CMSS1: variants seen among roughly 807,000 people sequenced by gnomAD.
CMSS1 encodes the protein protein CMSS1.
In CMSS1, 33 loss-of-function variants were observed where a neutral mutation model predicts 43.5. The observed-to-expected ratio is 0.76, with a 90% CI of 0.57 to 1.01. The LOEUF (loss-of-function observed/expected upper bound fraction) is 1.01. Ranked by LOEUF, CMSS1 falls within the 50% of genes least tolerant of loss-of-function variation. The pLI, the probability that CMSS1 is intolerant of heterozygous loss-of-function variation, is 0.00. For missense variants in CMSS1, 313 were observed against 326.4 expected, an observed-to-expected ratio of 0.96 and a Z score of 0.32; for synonymous variants, 115 against 117.2, an observed-to-expected ratio of 0.98 and a Z score of 0.12.
At chr3:99,880,877 T>G (rs528850438) in intron 1 of CMSS1, among the ~76,000 whole-genome samples, 1 of 152,290 alleles carries the variant, frequency 6.6e-6, no homozygotes, top group East Asian at 1.9e-4. Context: ...GGACCCTGTA[T>G]GTGTATGTAT....
intron 1 of CMSS1, among the ~76,000 whole-genome samples, chr3:100,139,752 G>A (rs999308088): frequency 4.1e-5 from 6 of 145,100 alleles, no homozygotes; most frequent in Admixed American, 6.9e-5. Context: ...AGCTGAGATC[G>A]CGCCATTGCA....
intron 1 of CMSS1, among the ~76,000 whole-genome samples, chr3:100,097,288 G>C (rs1044355811): frequency 1.3e-5 from 2 of 152,182 alleles, no homozygotes; most frequent in African/African-American, 2.4e-5. Context: ...ACCAGTCCCT[G>C]GTGCCTAAAA....
intron 1 of CMSS1, among the ~76,000 whole-genome samples, chr3:100,114,707 T>G (rs1353403872): frequency 1.3e-5 from 2 of 152,172 alleles, no homozygotes; most frequent in East Asian, 3.9e-4. Flanking sequence ...AGATATATTG[T>G]GAACCACAGA....
intron 1 of CMSS1, among the ~76,000 whole-genome samples, chr3:99,827,917 T>C (rs1942566804): frequency 6.6e-6 from 1 of 152,186 alleles, no homozygotes; most frequent in Non-Finnish European, 1.5e-5. Flanking sequence ...ACCTAAATTT[T>C]TTAGTACTTT....
chr3:99,927,349 A>T lies in CMSS1; in HGVS notation c.64+109306A>T, dbSNP rs1707325670. ...TTATTATAGTGCCTTGGTAAATCCA[A>T]AATGTTGTTATATTTTCTTTCTGTT... is the stretch of plus-strand genomic sequence containing the variant. On this transcript the variant is annotated intron_variant, in intron 1 of 9. Coordinates refer to ENST00000421999, the MANE Select transcript of CMSS1 (RefSeq NM_032359.4). Among the ~76,000 whole-genome samples the T allele has an allele frequency of 2.0e-5, 3 of 151,998 alleles. No individual in the cohort carries two copies. In the South Asian group the frequency reaches 6.2e-4, roughly 31 times the overall value.
intron 1 of CMSS1, among the ~76,000 whole-genome samples, chr3:100,089,019 G>A (rs1456659575): frequency 6.6e-6 from 1 of 152,166 alleles, no homozygotes; most frequent in Non-Finnish European, 1.5e-5. Context: ...ATCCTTTGAT[G>A]AAATAAGGAC....
At chr3:99,999,227 A>G (rs184219144) in intron 1 of CMSS1, among the ~76,000 whole-genome samples, 1 of 152,296 alleles carries the variant, frequency 6.6e-6, no homozygotes, top group African/African-American at 2.4e-5. Context: ...CAAATTTTAG[A>G]AAGTGTGATA....
intron 2 of CMSS1, among the ~76,000 whole-genome samples, chr3:100,156,679 G>A (rs985895482): frequency 7.3e-5 from 11 of 150,960 alleles, no homozygotes; most frequent in Admixed American, 1.3e-4. Context: ...GCAGTGGCAC[G>A]ATCTTGGCTC....
intron 2 of CMSS1, among the ~76,000 whole-genome samples, chr3:100,150,222 T>C (rs2066893869): frequency 6.6e-6 from 1 of 152,200 alleles, no homozygotes. Flanking sequence ...GGTTCGTAAG[T>C]CCCTTGGGGC....
At chr3:99,938,500 A>G (rs892837118) in intron 1 of CMSS1, among the ~76,000 whole-genome samples, 1 of 152,182 alleles carries the variant, frequency 6.6e-6, no homozygotes, top group Non-Finnish European at 1.5e-5. Flanking sequence ...TTAAATTTGA[A>G]TATATTTAAC....
intron 1 of CMSS1, among the ~76,000 whole-genome samples, chr3:100,130,327 C>T (rs963920971): frequency 1.3e-5 from 2 of 152,172 alleles, no homozygotes; most frequent in African/African-American, 4.8e-5. Flanking sequence ...CAGTGCACTA[C>T]GTAGGCCATG....
chr3:100,045,462 A>T (rs2065264347), intron 1 of CMSS1, among the ~76,000 whole-genome samples: 1 of 152,202 alleles, frequency 6.6e-6, no homozygotes. Context: ...ATTAGCTTTC[A>T]TTGTGCTGCT....
chr3:100,090,046 A>G (rs888387263), intron 1 of CMSS1, among the ~76,000 whole-genome samples: 1 of 152,216 alleles, frequency 6.6e-6, no homozygotes, highest in African/African-American at 2.4e-5. Flanking sequence ...GCGTGGAGCC[A>G]CAGAAAACTT....
chr3:99,988,254 T>C (rs1020129566), intron 1 of CMSS1, among the ~76,000 whole-genome samples: 1 of 150,922 alleles, frequency 6.6e-6, no homozygotes, highest in Admixed American at 6.6e-5. Flanking sequence ...TCCCAGCACT[T>C]TGGGAGGCCT....
In CMSS1 at chr3:100,119,106, C is replaced by T. The variant is rs181084550; in HGVS notation, c.65-27867C>T. On this transcript the variant is annotated intron_variant, in intron 1 of 9. Coordinates refer to ENST00000421999, the MANE Select transcript of CMSS1 (RefSeq NM_032359.4). ...ATTATGTGAGTCTGTGAATTAATGA[C>T]TTTAAAATGATTCAGGGAAGCCTAA... 4.2e-3 allele frequency among the ~76,000 whole-genome samples: 633 copies of T among 152,190 alleles called. 3 individuals are homozygous for T. Among genetic ancestry groups the T allele is most frequent in the Middle Eastern group, 6.8e-3 (2 of 294 alleles).
chr3:99,929,748 G>A lies in CMSS1; in HGVS notation c.64+111705G>A, dbSNP rs149504528. 8.6e-4 allele frequency: 659 copies of A among 768,860 alleles called. 1 individual carries two copies. The African/African-American group carries it at 0.011, about 13-fold the overall frequency. The allele number at this position is 768,860 out of a possible 1,614,324, so 47.6% of individuals were successfully genotyped here. A position where few individuals can be genotyped will look rare whatever the true frequency, so the allele number is the denominator to read the frequency against. On this transcript the variant is annotated intron_variant, in intron 1 of 9. Transcript: ENST00000421999. Reference sequence around the variant, plus strand: ...TCTGTTTTGTGTAGGCTTTAAGTGCGTTAGAAAGTAAAACTGTAAGGAATC... The same window carrying A: ...TCTGTTTTGTGTAGGCTTTAAGTGCATTAGAAAGTAAAACTGTAAGGAATC...
At chr3:100,177,287 T>C (rs905563117) in intron 9 of CMSS1, among the ~76,000 whole-genome samples, 4 of 152,236 alleles carry the variant, frequency 2.6e-5, no homozygotes, top group South Asian at 4.1e-4. Flanking sequence ...CACACGCACA[T>C]GCACACACAC....
At chr3:99,850,386 T>G (rs1037851181) in intron 1 of CMSS1, 3 of 1,613,364 alleles carry the variant, frequency 1.9e-6, no homozygotes, top group African/African-American at 1.3e-5. Flanking sequence ...AAGCGTCTTC[T>G]AACTTTTCCA....
intron 2 of CMSS1, among the ~76,000 whole-genome samples, chr3:100,152,981 C>T (rs2066934201): frequency 6.6e-6 from 1 of 152,226 alleles, no homozygotes; most frequent in South Asian, 2.1e-4. Flanking sequence ...ACTCCAGATA[C>T]TTCAGCATGC....
Sources: allele counts gnomAD v4.1 joint callset (sites outside exome capture counted in the v4.1 genomes callset), GRCh38; gene constraint gnomAD v4.1.1; transcripts MANE v1.5; gene names NCBI Gene and HGNC (gene_info 2026-07-23, HGNC 2026-07-21).